PDZD2: variants seen among roughly 807,000 people sequenced by gnomAD.
The protein encoded by PDZD2 is PDZ domain-containing protein 2.
PDZD2 carries 90 observed loss-of-function variants against 220.7 expected under a neutral mutation model. That is an observed-to-expected ratio of 0.41 (90% CI 0.34 to 0.49). The LOEUF is 0.49. PDZD2 is among the 20% of genes least tolerant of loss of function. The pLI, the probability that PDZD2 is intolerant of heterozygous loss-of-function variation, is 0.28. For missense variants in PDZD2, 3,174 were observed against 3,608.5 expected (o/e 0.88, Z 3.08); for synonymous variants, 1,375 against 1,450.5 (o/e 0.95, Z 1.18).
Position 31,822,102 on chromosome 5 carries a change from CA to C in PDZD2, c.476+22379del, listed in dbSNP as rs550772522. Reference sequence around the variant, plus strand: ...CTTTATCCAGTCTATCATTGATGGGCATTTGGGCTGGTTCCAAGTCTTTGCT... The same window carrying C: ...CTTTATCCAGTCTATCATTGATGGGCTTTGGGCTGGTTCCAAGTCTTTGCT... On this transcript the variant is annotated intron_variant, in intron 2 of 24. Coordinates refer to ENST00000438447, the MANE Select transcript of PDZD2 (RefSeq NM_178140.4). Among the ~76,000 whole-genome samples the C allele has an allele frequency of 2.5e-3, 384 of 152,146 alleles. 9 individuals carry two copies. Among genetic ancestry groups the C allele is most frequent in the Admixed American group, 0.023 (355 of 15,260 alleles).
chr5:31,746,602 C>A (rs1266122552), intron 1 of PDZD2, among the ~76,000 whole-genome samples: 1 of 152,134 alleles, frequency 6.6e-6, no homozygotes, highest in Non-Finnish European at 1.5e-5. Flanking sequence ...GTGCTATTAT[C>A]CAAGGACAAC....
chr5:31,752,073 G>GTTTTTTTTTTTTTTTTTTTT (rs3032803), intron 1 of PDZD2, among the ~76,000 whole-genome samples: 4 of 95,064 alleles, frequency 4.2e-5, no homozygotes, highest in African/African-American at 1.3e-4. Flanking sequence ...TTTTGGGTTT[G>GTTTTTTTTTTTTTTTTTTTT]TTTTTTTTTT....
chr5:31,799,820 A>G, intron 2 of PDZD2, 96 bp downstream of exon 2: 1 of 781,546 alleles, frequency 1.3e-6, no homozygotes. Flanking sequence ...TCCTGCCAAT[A>G]AGAAGCTGAT....
At chr5:32,058,223 C>A in intron 12 of PDZD2, 120 bp downstream of exon 12, 3 of 659,156 alleles carry the variant, frequency 4.6e-6, no homozygotes, top group South Asian at 1.8e-5. Flanking sequence ...CTTCTATCAA[C>A]AACACGTGGT....
intron 1 of PDZD2, among the ~76,000 whole-genome samples, chr5:31,662,311 C>CAAAT (rs998463930): frequency 5.9e-5 from 9 of 152,004 alleles, no homozygotes; most frequent in East Asian, 1.9e-4. Context: ...AACTCCATCT[C>CAAAT]AAATAAATAA....
chr5:31,668,452 A>G (rs1318614903), intron 1 of PDZD2, among the ~76,000 whole-genome samples: 1 of 152,200 alleles, frequency 6.6e-6, no homozygotes, highest in African/African-American at 2.4e-5. Context: ...AACTTTGACC[A>G]TTGCCCAAAT....
At chr5:31,837,487 C>A (rs1359572929) in intron 2 of PDZD2, among the ~76,000 whole-genome samples, 1 of 152,150 alleles carries the variant, frequency 6.6e-6, no homozygotes, top group Non-Finnish European at 1.5e-5. Context: ...CTTTGGGAGG[C>A]CGAGGTGGGC....
chr5:32,002,405 C>T (rs1044794064), intron 5 of PDZD2, among the ~76,000 whole-genome samples: 3 of 152,100 alleles, frequency 2.0e-5, no homozygotes, highest in African/African-American at 7.2e-5. Flanking sequence ...TGCCTGTGGG[C>T]TGTCTGTAGC....
intron 2 of PDZD2, among the ~76,000 whole-genome samples, chr5:31,955,600 C>T (rs1747592058): frequency 6.6e-6 from 1 of 151,990 alleles, no homozygotes. Flanking sequence ...CCATGCCCGG[C>T]CCTTTGTGTT....
intron 1 of PDZD2, among the ~76,000 whole-genome samples, chr5:31,756,565 C>T (rs1417499675): frequency 6.6e-6 from 1 of 152,146 alleles, no homozygotes; most frequent in Non-Finnish European, 1.5e-5. Flanking sequence ...TTGGTGGATA[C>T]CAGACCTCCT....
At chr5:31,891,116 AG>A (rs1045033629) in intron 2 of PDZD2, among the ~76,000 whole-genome samples, 2 of 144,536 alleles carry the variant, frequency 1.4e-5, no homozygotes, top group African/African-American at 5.1e-5. Context: ...AGCAAAGCTC[AG>A]GGGTTTTTCC....
chr5:31,784,021 AG>A (rs1386914591), intron 1 of PDZD2, among the ~76,000 whole-genome samples: 1 of 152,180 alleles, frequency 6.6e-6, no homozygotes, highest in Non-Finnish European at 1.5e-5. Flanking sequence ...ACAGGGCCTC[AG>A]GGCTCTGGGA....
chr5:31,797,956 T>A (rs1455779815), intron 1 of PDZD2, among the ~76,000 whole-genome samples: 9 of 149,918 alleles, frequency 6.0e-5, no homozygotes, highest in Middle Eastern at 3.2e-3. Flanking sequence ...ATCACTTTTC[T>A]ATGTTTATGG....
chr5:32,090,345 T>G lies in PDZD2; in HGVS notation c.6897T>G (p.Ile2299Met), dbSNP rs367770012. 12 of 1,614,164 alleles carry G rather than the reference T, an allele frequency of 7.4e-6. No individual in the cohort carries two copies. The African/African-American group carries it at 9.3e-5, about 13-fold the overall frequency. Residue 2299 changes from isoleucine to methionine, a missense_variant, in exon 20 of 25, where the codon ATT (isoleucine) becomes ATG (methionine). By Grantham distance (10) the Ile-to-Met change is conservative. Around this residue, in one of 4 missense-constraint regions of PDZD2, gnomAD observed 631 missense variants for 789.9 expected, o/e 0.80. Coordinates refer to ENST00000438447, the MANE Select transcript of PDZD2 (RefSeq NM_178140.4). This position sits in a 1 kb window ranked among gnomAD's most constrained non-coding sequence, Gnocchi z 4.3. Reference sequence around the variant, plus strand: ...CAGCCACAGATGAAGGGGATATCATTTCAGTCCAGGAGACGAGCTGCCTAG... The same window carrying G: ...CAGCCACAGATGAAGGGGATATCATGTCAGTCCAGGAGACGAGCTGCCTAG... ...NLPATDEGDIISVQETSCLVT... is the reference protein window; with the variant it reads ...NLPATDEGDIMSVQETSCLVT...
intron 1 of PDZD2, among the ~76,000 whole-genome samples, chr5:31,653,335 G>A (rs979409764): frequency 6.6e-6 from 1 of 152,042 alleles, no homozygotes; most frequent in Non-Finnish European, 1.5e-5. Flanking sequence ...AGTGCAGTGC[G>A]TGTACTATAA....
chr5:32,060,693 C>T (rs245269), intron 13 of PDZD2, among the ~76,000 whole-genome samples: 28,937 of 152,066 alleles, frequency 0.19, 3,759 homozygotes, highest in African/African-American at 0.36. Context: ...ATGCTTTGTA[C>T]AGTGCCTGGC....
chr5:31,648,274 C>T (rs1745209481), intron 1 of PDZD2, among the ~76,000 whole-genome samples: 1 of 152,136 alleles, frequency 6.6e-6, no homozygotes, highest in Non-Finnish European at 1.5e-5. Flanking sequence ...TGCCCCACTG[C>T]CCCCTTACCA....
At chr5:31,990,130 G>C (rs940064252) in intron 3 of PDZD2, among the ~76,000 whole-genome samples, 1 of 152,226 alleles carries the variant, frequency 6.6e-6, no homozygotes, top group African/African-American at 2.4e-5. Flanking sequence ...TAGCGCCGGA[G>C]TATTTACGGC....
In PDZD2 at chr5:32,077,597, C is replaced by T; in HGVS notation, c.3673C>T (p.Pro1225Ser). ...PKAASELGQQ[P>S]MTELDSSSDL... ...AGCTGCATCAGAGCTGGGGCAACAA[C>T]CCATGACTGGTAAGATTATTTTCCC... The change falls in exon 19 of 25, where the codon CCC becomes TCC. Residue 1225 changes from proline to serine, a missense_variant. Pro to Ser is a moderately conservative substitution (Grantham distance 74). This residue lies in a region of PDZD2 where 1,861 missense variants were observed against 2,001.0 expected (regional missense o/e 0.93). Transcript: ENST00000438447. The T allele has an allele frequency of 6.2e-7, 1 of 1,614,090 alleles. No individual in the cohort carries two copies. The highest frequency in any genetic ancestry group is 8.5e-7 in the Non-Finnish European group (1 of 1,179,980).
Sources: gnomAD v4.1 joint callset for allele counts (sites outside exome capture counted in the v4.1 genomes callset) on GRCh38, gnomAD v4.1.1 for gene constraint, gnomAD v4.1.1 regional missense constraint, Gnocchi (gnomAD v3.1) non-coding constraint, MANE v1.5 for transcripts, NCBI Gene and HGNC (gene_info 2026-07-23, HGNC 2026-07-21) for gene names.